MECOM: variants seen among roughly 807,000 people sequenced by gnomAD.
MECOM encodes the protein histone-lysine N-methyltransferase MECOM.
Under a neutral mutation model 116.3 loss-of-function variants are expected in MECOM, and 13 were observed. The ratio of observed to expected loss-of-function variants is 0.11; its 90% CI spans 0.07 to 0.18. MECOM has a LOEUF of 0.18. Ranked by LOEUF, MECOM falls within the 10% of genes least tolerant of loss-of-function variation. The pLI is 1.00. For missense variants in MECOM, 1,299 were observed against 1,509.0 expected, an observed-to-expected ratio of 0.86 and a Z score of 2.31; for synonymous variants, 528 against 535.2, an observed-to-expected ratio of 0.99 and a Z score of 0.19.
Position 169,413,271 on chromosome 3 carries a change from TA to T in MECOM, c.38-31748del, listed in dbSNP as rs556661483. On this transcript the variant is annotated intron_variant, in intron 1 of 16. Transcript: ENST00000651503. ...CAAGGGGTTGGGGAACTCCATCCCT[TA>T]GCCAAGGGAAGCCATGAGGGACCGT... 2.2e-3 allele frequency among the ~76,000 whole-genome samples: 336 copies of T among 152,238 alleles called. 7 individuals carry two copies. Among genetic ancestry groups the T allele is most frequent in the Admixed American group, 0.021 (321 of 15,296 alleles).
At chr3:169,296,784 C>T (rs755507038) in intron 2 of MECOM, among the ~76,000 whole-genome samples, 3 of 152,194 alleles carry the variant, frequency 2.0e-5, no homozygotes, top group Non-Finnish European at 2.9e-5. Flanking sequence ...CAATGCTTCT[C>T]ATACTCGTAA....
chr3:169,577,175 TCA>T (rs1244343373), intron 1 of MECOM, among the ~76,000 whole-genome samples: 1 of 152,202 alleles, frequency 6.6e-6, no homozygotes, highest in Non-Finnish European at 1.5e-5. Context: ...GTAACTTATT[TCA>T]CAGAGTTATT....
At chr3:169,475,575 G>A (rs1011929854) in intron 1 of MECOM, among the ~76,000 whole-genome samples, 1 of 151,314 alleles carries the variant, frequency 6.6e-6, no homozygotes, top group African/African-American at 2.5e-5. Flanking sequence ...TGACTAAAAA[G>A]TCGAAGTTTT....
At chr3:169,431,832 G>A (rs954280793) in intron 1 of MECOM, among the ~76,000 whole-genome samples, 1 of 152,114 alleles carries the variant, frequency 6.6e-6, no homozygotes, top group Non-Finnish European at 1.5e-5. Flanking sequence ...AAGGCAACAC[G>A]AGATGGCACA....
intron 1 of MECOM, among the ~76,000 whole-genome samples, chr3:169,646,369 G>A (rs981670003): frequency 9.9e-5 from 15 of 151,126 alleles, no homozygotes; most frequent in Non-Finnish European, 2.2e-4. Flanking sequence ...TGTAAATGAC[G>A]AGTTAAAGGG....
At chr3:169,375,207 C>T (rs1273885) in intron 2 of MECOM, among the ~76,000 whole-genome samples, 67,582 of 151,708 alleles carry the variant, frequency 0.45, 15,508 homozygotes, top group Middle Eastern at 0.55. Context: ...ACTAAATGCC[C>T]GCAGAAGAAA....
intron 1 of MECOM, among the ~76,000 whole-genome samples, chr3:169,555,086 G>A (rs1257896097): frequency 6.6e-6 from 1 of 152,190 alleles, no homozygotes; most frequent in Admixed American, 6.5e-5. Flanking sequence ...ATTTCTAACA[G>A]ATGCATCTGA....
chr3:169,593,113 A>C (rs757997944), intron 1 of MECOM, among the ~76,000 whole-genome samples: 1 of 152,186 alleles, frequency 6.6e-6, no homozygotes, highest in Non-Finnish European at 1.5e-5. Context: ...CTAGTCTGAA[A>C]ATCCTGGGCT....
intron 1 of MECOM, among the ~76,000 whole-genome samples, chr3:169,644,401 C>T (rs1355206825): frequency 6.6e-6 from 1 of 151,998 alleles, no homozygotes; most frequent in African/African-American, 2.4e-5. Flanking sequence ...GAATTACAGG[C>T]ACATGACACC....
rs538132852 is a variant in MECOM at position 169,646,384 on chromosome 3, G to A, written c.37+16952C>T. 5.6e-4 allele frequency among the ~76,000 whole-genome samples: 85 copies of A among 151,894 alleles called. 1 individual carries two copies. Among genetic ancestry groups the A allele is most frequent in the African/African-American group, 2.0e-3 (82 of 41,402 alleles). On this transcript the variant is annotated intron_variant, in intron 1 of 16. Coordinates refer to ENST00000651503, the MANE Select transcript of MECOM (RefSeq NM_004991.4). ...TGTAAATGACGAGTTAAAGGGTGCAGCACACCAACATGGCCGATGTATACA... is the reference window on the plus strand; with the variant it reads ...TGTAAATGACGAGTTAAAGGGTGCAACACACCAACATGGCCGATGTATACA...
chr3:169,596,486 G>T (rs562860072), intron 1 of MECOM, among the ~76,000 whole-genome samples: 3 of 152,124 alleles, frequency 2.0e-5, no homozygotes, highest in Non-Finnish European at 2.9e-5. Context: ...GTTTTCAGCA[G>T]AATTCATAAT....
intron 1 of MECOM, among the ~76,000 whole-genome samples, chr3:169,497,268 T>C (rs945802186): frequency 2.0e-5 from 3 of 152,160 alleles, no homozygotes; most frequent in Non-Finnish European, 4.4e-5. Flanking sequence ...TTCAGGTCCT[T>C]ATCATTTACT....
chr3:169,447,511 T>G (rs935158412), intron 1 of MECOM, among the ~76,000 whole-genome samples: 2 of 152,176 alleles, frequency 1.3e-5, no homozygotes, highest in Admixed American at 1.3e-4. Flanking sequence ...TCTCATTGAT[T>G]CTTATGTTTA....
At chr3:169,413,932 C>T (rs533749264) in intron 1 of MECOM, among the ~76,000 whole-genome samples, 159 of 152,304 alleles carry the variant, frequency 1.0e-3, no homozygotes, top group African/African-American at 3.8e-3. Context: ...AACAGAGAAC[C>T]TGGGGGAAGG....
At chr3:169,565,885 G>C (rs143756815) in intron 1 of MECOM, 1 of 421,204 alleles carries the variant, frequency 2.4e-6, no homozygotes. Flanking sequence ...CTGGTAACCT[G>C]GTGGATCAGT....
chr3:169,601,456 T>C (rs947777975), intron 1 of MECOM, among the ~76,000 whole-genome samples: 13 of 152,082 alleles, frequency 8.5e-5, no homozygotes. Context: ...GAGCACTGAG[T>C]GTAACTCACC....
At chr3:169,654,981 A>G (rs1051723221) in intron 1 of MECOM, among the ~76,000 whole-genome samples, 25 of 152,192 alleles carry the variant, frequency 1.6e-4, no homozygotes, top group African/African-American at 5.8e-4. Flanking sequence ...AAACCCTACA[A>G]ACTATATATT....
chr3:169,315,927 G>A (rs1719667209), intron 2 of MECOM, among the ~76,000 whole-genome samples: 1 of 152,148 alleles, frequency 6.6e-6, no homozygotes, highest in Non-Finnish European at 1.5e-5. Flanking sequence ...CACAGGTAAA[G>A]TCAAATATGA....
At chr3:169,253,600 A>G (rs1229800033) in intron 2 of MECOM, among the ~76,000 whole-genome samples, 1 of 152,170 alleles carries the variant, frequency 6.6e-6, no homozygotes, top group Non-Finnish European at 1.5e-5. Context: ...AATAAGACAC[A>G]TGTATCAGAA....
Sources: gnomAD v4.1 joint callset for allele counts (sites outside exome capture counted in the v4.1 genomes callset) on GRCh38, gnomAD v4.1.1 for gene constraint, MANE v1.5 for transcripts, NCBI Gene and HGNC (gene_info 2026-07-23, HGNC 2026-07-21) for gene names.